The following WNT3 variants were observed in gnomAD, a reference collection of about 807,000 sequenced individuals.
The protein encoded by WNT3 is Wnt family member 3.
A neutral mutation model predicts 34.2 loss-of-function variants in WNT3; 7 were observed. The observed-to-expected ratio is 0.20, with a 90% CI of 0.12 to 0.38. WNT3 has a LOEUF of 0.38. Ranked by LOEUF, WNT3 falls within the 10% of genes least tolerant of loss-of-function variation. The pLI, the probability that WNT3 is intolerant of heterozygous loss-of-function variation, is 1.00. For synonymous variants in WNT3, 212 were observed against 211.5 expected, an observed-to-expected ratio of 1.00 and a Z score of -0.02; for missense variants, 267 against 499.8, an observed-to-expected ratio of 0.53 and a Z score of 4.44.
In WNT3 at chr17:46,773,681, G is replaced by C. The variant is rs749737942; in HGVS notation, c.309C>G (p.Pro103=). Residue 103 remains proline (P), a synonymous_variant, in exon 2 of 5, where the codon CCC becomes CCG. Coordinates refer to ENST00000225512, the MANE Select transcript of WNT3 (RefSeq NM_030753.5). ...CCAAGGCAGTACCTTTGTCGAGGAC[G>C]GGCCCAAAGATGGCCAGGCTGTCAT... is the stretch of plus-strand genomic sequence containing the variant. ...TIDDSLAIFG[P]VLDKATRESA... 3.5e-5 allele frequency: 56 copies of C among 1,600,612 alleles called. No individual in the cohort carries two copies. The highest frequency in any genetic ancestry group is 4.1e-5 in the Non-Finnish European group (48 of 1,176,106).
At chr17:46,774,287 G>A (rs1180648440) in intron 1 of WNT3, among the ~76,000 whole-genome samples, 2 of 152,248 alleles carry the variant, frequency 1.3e-5, no homozygotes, top group African/African-American at 2.4e-5. Context: ...GATCAGGCTG[G>A]GCAATTTCCA....
intron 2 of WNT3, among the ~76,000 whole-genome samples, chr17:46,772,269 C>T (rs1241309738): frequency 6.6e-6 from 1 of 152,256 alleles, no homozygotes; most frequent in Non-Finnish European, 1.5e-5. Flanking sequence ...CCCCCGCAAC[C>T]CAAACCTGTC....
In WNT3 at chr17:46,773,645, C is replaced by G. The variant is rs533354565; in HGVS notation, c.322+23G>C. ...CCCTCCCCCCACCCAGCCCCTCCCC[C>G]CCCCTCAGCCCCAAGGCAGTACCTT... On this transcript the variant is annotated intron_variant, in intron 2 of 4. Coordinates refer to ENST00000225512, the MANE Select transcript of WNT3 (RefSeq NM_030753.5). The G allele has an allele frequency of 2.1e-5, 30 of 1,399,428 alleles. No homozygotes were observed. The African/African-American group carries it at 2.5e-4, about 12-fold the overall frequency. 86.7% of individuals were successfully genotyped at this position (1,399,428 alleles called of 1,614,324 possible). A position where few individuals can be genotyped will look rare whatever the true frequency, so the allele number is the denominator to read the frequency against.
At position 46,799,021 on chromosome 17, in the gene WNT3, C is replaced by T. The variant is rs185931476; in HGVS notation, c.80+19497G>A. Among the ~76,000 whole-genome samples, 354 of 142,936 alleles carry T rather than the reference C, an allele frequency of 2.5e-3. 8 individuals are homozygous for T. The Admixed American group carries it at 0.025, about 10-fold the overall frequency. The allele number at this position is 142,936 out of a possible 152,430, so 93.8% of individuals were successfully genotyped here. The stretch of plus-strand genomic sequence containing the variant: ...CAAGATCACACCACTGTACTCCAGC[C>T]TGGTGACAGAGCAAGACTCCGTCTC... On this transcript the variant is annotated intron_variant, in intron 1 of 4. Transcript: ENST00000225512.
At chr17:46,778,100 A>C (rs1361322953) in intron 1 of WNT3, among the ~76,000 whole-genome samples, 1 of 152,184 alleles carries the variant, frequency 6.6e-6, no homozygotes, top group Non-Finnish European at 1.5e-5. Context: ...CCCTTGCTAG[A>C]TGGTGGTTGC....
intron 1 of WNT3, among the ~76,000 whole-genome samples, chr17:46,780,784 A>AG (rs1311866879): frequency 6.6e-6 from 1 of 152,028 alleles, no homozygotes; most frequent in Non-Finnish European, 1.5e-5. Context: ...TTCAAAAAAA[A>AG]AGGAAAGAAA....
intron 4 of WNT3, among the ~76,000 whole-genome samples, chr17:46,766,501 A>C (rs1026785595): frequency 6.6e-6 from 1 of 151,796 alleles, no homozygotes; most frequent in Non-Finnish European, 1.5e-5. Context: ...TGAGTGGACG[A>C]GTGGAGGCGC....
chr17:46,804,836 G>A (rs554569458), intron 1 of WNT3, among the ~76,000 whole-genome samples: 1 of 152,122 alleles, frequency 6.6e-6, no homozygotes, highest in African/African-American at 2.4e-5. Context: ...TTGTAAAATG[G>A]ACCAATCAGC....
intron 1 of WNT3, among the ~76,000 whole-genome samples, chr17:46,787,517 G>A (rs2059518660): frequency 6.6e-6 from 1 of 152,196 alleles, no homozygotes; most frequent in African/African-American, 2.4e-5. Context: ...AGGCAGTGCA[G>A]AGAGCACAGC....
intron 2 of WNT3, among the ~76,000 whole-genome samples, chr17:46,771,567 C>A (rs2059370263): frequency 6.7e-6 from 1 of 148,484 alleles, no homozygotes. Flanking sequence ...CCCCGTCCGG[C>A]GGGGCCCGCT....
At chr17:46,780,725 T>C (rs895036756) in intron 1 of WNT3, among the ~76,000 whole-genome samples, 20 of 151,482 alleles carry the variant, frequency 1.3e-4, no homozygotes, top group Non-Finnish European at 1.9e-4. Flanking sequence ...TGCAGTGAGC[T>C]GAGATGGCGC....
chr17:46,770,142 G>A, intron 2 of WNT3, 94 bp from the exon 3 acceptor site: 2 of 1,438,056 alleles, frequency 1.4e-6, no homozygotes, highest in Admixed American at 2.5e-5. Flanking sequence ...AGGGGAACGA[G>A]GCCAGGAAGA....
intron 1 of WNT3, among the ~76,000 whole-genome samples, chr17:46,804,276 C>A (rs1052938927): frequency 6.6e-6 from 1 of 151,890 alleles, no homozygotes; most frequent in Non-Finnish European, 1.5e-5. Flanking sequence ...TTAGTAGAGA[C>A]GGGGTTTCAG....
rs923881553 is a variant in WNT3, at chr17:46,768,194, C to T, written c.*8+118G>A. 1 of 1,459,222 alleles carries T rather than the reference C, an allele frequency of 6.9e-7. No individual in the cohort carries two copies. Among genetic ancestry groups the T allele is most frequent in the South Asian group, 1.2e-5 (1 of 82,360 alleles). 90.4% of individuals were successfully genotyped at this position (1,459,222 alleles called of 1,614,324 possible). A position where few individuals can be genotyped will look rare whatever the true frequency, so the allele number is the denominator to read the frequency against. On this transcript the variant is annotated intron_variant, in intron 4 of 4. Transcript: ENST00000225512. This position sits in a 1 kb window ranked among gnomAD's most constrained non-coding sequence, Gnocchi z 5.0. Reference sequence around the variant, plus strand: ...TAGCTTCCTATTTTGGCTGTGGGAACTTGTGTGTCTTGGATAGCTTAGAAA... The same window carrying T: ...TAGCTTCCTATTTTGGCTGTGGGAATTTGTGTGTCTTGGATAGCTTAGAAA...
At chr17:46,778,851 C>T (rs2059433275) in intron 1 of WNT3, among the ~76,000 whole-genome samples, 3 of 152,256 alleles carry the variant, frequency 2.0e-5, no homozygotes, top group East Asian at 1.9e-4. Flanking sequence ...TCCTAGGTCA[C>T]CACCATTCTA....
intron 1 of WNT3, among the ~76,000 whole-genome samples, chr17:46,793,048 T>G (rs1445852481): frequency 6.6e-6 from 1 of 151,310 alleles, no homozygotes; most frequent in African/African-American, 2.4e-5. Flanking sequence ...GAGGAGCACT[T>G]GAGCTCAGGT....
intron 1 of WNT3, among the ~76,000 whole-genome samples, chr17:46,812,364 G>A (rs532566460): frequency 1.3e-4 from 20 of 151,550 alleles, no homozygotes; most frequent in African/African-American, 4.8e-4. Flanking sequence ...TAATTAAGCA[G>A]CAGCTTCTGC....
intron 1 of WNT3, among the ~76,000 whole-genome samples, chr17:46,797,429 G>C (rs925688724): frequency 6.6e-6 from 1 of 152,210 alleles, no homozygotes; most frequent in Non-Finnish European, 1.5e-5. Flanking sequence ...TTTTCCAGTA[G>C]GGAATGGGAT....
intron 1 of WNT3, among the ~76,000 whole-genome samples, chr17:46,791,672 C>A (rs1367232181): frequency 6.6e-6 from 1 of 152,234 alleles, no homozygotes; most frequent in East Asian, 1.9e-4. Flanking sequence ...TAATTTCTGT[C>A]TGCATTCTAC....
Sources: gnomAD v4.1 joint callset for allele counts (sites outside exome capture counted in the v4.1 genomes callset) on GRCh38, gnomAD v4.1.1 for gene constraint, Gnocchi (gnomAD v3.1) non-coding constraint, MANE v1.5 for transcripts, NCBI Gene and HGNC (gene_info 2026-07-23, HGNC 2026-07-21) for gene names.